FRMD4B: variants seen among roughly 807,000 people sequenced by gnomAD.
The protein encoded by FRMD4B is FERM domain containing 4B, also known as FERM domain-containing protein 4B.
In FRMD4B, 74 loss-of-function variants were observed where a neutral mutation model predicts 141.5. The ratio of observed to expected loss-of-function variants is 0.52; its 90% CI spans 0.43 to 0.63. The LOEUF (loss-of-function observed/expected upper bound fraction) is 0.63, where lower values mean the gene tolerates loss of function less well. Among genes scored for constraint, FRMD4B ranks in the 30% least tolerant of loss-of-function variants. The pLI is 0.00. For missense variants in FRMD4B, 1,366 were observed against 1,253.4 expected, an observed-to-expected ratio of 1.09 and a Z score of -1.36; for synonymous variants, 506 against 467.9, an observed-to-expected ratio of 1.08 and a Z score of -1.05.
intron 1 of FRMD4B, among the ~76,000 whole-genome samples, chr3:69,342,027 G>T (rs1362213745): frequency 6.6e-6 from 1 of 152,174 alleles, no homozygotes; most frequent in Non-Finnish European, 1.5e-5. Flanking sequence ...AGCTCACTTA[G>T]GGCTGTAGTT....
At chr3:69,428,099 G>A (rs1314920214) in intron 2 of FRMD4B, among the ~76,000 whole-genome samples, 4 of 152,010 alleles carry the variant, frequency 2.6e-5, no homozygotes, top group African/African-American at 4.8e-5. Flanking sequence ...CTATGCAGTA[G>A]AAATCTTAAA....
chr3:69,391,337 A>G (rs4328804), intron 2 of FRMD4B, among the ~76,000 whole-genome samples: 99,528 of 150,240 alleles, frequency 0.66, 33,199 homozygotes, highest in Non-Finnish European at 0.68. Context: ...CCATGTTGGT[A>G]TGTTGCACCC....
intron 1 of FRMD4B, among the ~76,000 whole-genome samples, chr3:69,377,362 G>A (rs1703998112): frequency 6.6e-6 from 1 of 152,164 alleles, no homozygotes; most frequent in South Asian, 2.1e-4. Flanking sequence ...AAGCAGTCAG[G>A]AGACCTCTCT....
At chr3:69,184,533 T>C (rs2092744689) in intron 19 of FRMD4B, among the ~76,000 whole-genome samples, 1 of 152,242 alleles carries the variant, frequency 6.6e-6, no homozygotes, top group African/African-American at 2.4e-5. Context: ...GTGTAAGCAA[T>C]GCTGTAATGA....
Position 69,410,726 on chromosome 3 carries a change from AATATATAT to A in FRMD4B, c.-1+21900_-1+21907del, listed in dbSNP as rs767608068. On this transcript the variant is annotated intron_variant, in intron 2 of 5. Coordinates refer to the FRMD4B transcript ENST00000459638. ...AAATATATAAATAAATAAATAAATAAATATATATATATATATATATATATATATATATA... is the reference window on the plus strand; with the variant it reads ...AAATATATAAATAAATAAATAAATAAATATATATATATATATATATATATA... Among the ~76,000 whole-genome samples, 506 of 86,026 alleles carry A rather than the reference AATATATAT, an allele frequency of 5.9e-3. 1 individual carries two copies. The highest frequency in any genetic ancestry group is 9.4e-3 in the Admixed American group (65 of 6,930). The allele number at this position is 86,026 out of a possible 152,430, so 56.4% of individuals were successfully genotyped here. A position where few individuals can be genotyped will look rare whatever the true frequency, so the allele number is the denominator to read the frequency against.
At chr3:69,459,659 T>G (rs1326675447) in intron 1 of FRMD4B, among the ~76,000 whole-genome samples, 2 of 152,188 alleles carry the variant, frequency 1.3e-5, no homozygotes, top group Non-Finnish European at 2.9e-5. Context: ...GGCAAAACAA[T>G]GAACCAATCC....
rs536087949 is a variant in FRMD4B at position 69,527,839 on chromosome 3, C to T, written c.-129+14367G>A. The stretch of plus-strand genomic sequence containing the variant: ...TCTTCTTTTTTAAAATATAAATCTC[C>T]TTAGGCAGGTCAAAACAATTCACCA... On this transcript the variant is annotated intron_variant, in intron 1 of 5. Coordinates refer to the FRMD4B transcript ENST00000459638. Among the ~76,000 whole-genome samples, 250 of 152,260 alleles carry T rather than the reference C, an allele frequency of 1.6e-3. 1 individual carries two copies. The highest frequency in any genetic ancestry group is 5.8e-3 in the African/African-American group (239 of 41,548).
At chr3:69,330,340 C>CTTTTTTTT (rs34238889) in intron 1 of FRMD4B, among the ~76,000 whole-genome samples, 10 of 42,928 alleles carry the variant, frequency 2.3e-4, no homozygotes, top group East Asian at 7.0e-4. Context: ...ATTCTTTTGC[C>CTTTTTTTT]TTTTTTTTTT....
chr3:69,497,713 T>A (rs1365478546), intron 1 of FRMD4B, among the ~76,000 whole-genome samples: 5 of 152,150 alleles, frequency 3.3e-5, no homozygotes, highest in African/African-American at 1.2e-4. Flanking sequence ...AGTGCCCTCA[T>A]GGAACTTTTT....
chr3:69,498,634 T>C (rs577769132), intron 1 of FRMD4B, among the ~76,000 whole-genome samples: 1 of 152,236 alleles, frequency 6.6e-6, no homozygotes, highest in African/African-American at 2.4e-5. Context: ...TATACCCATA[T>C]AACTTTCATA....
At chr3:69,380,208 A>G (rs1466654369) in intron 1 of FRMD4B, among the ~76,000 whole-genome samples, 1 of 152,164 alleles carries the variant, frequency 6.6e-6, no homozygotes, top group Non-Finnish European at 1.5e-5. Flanking sequence ...CTAAAAGAGC[A>G]TGTGCTCTAC....
At chr3:69,342,919 G>A (rs997162636) in intron 1 of FRMD4B, among the ~76,000 whole-genome samples, 1 of 152,034 alleles carries the variant, frequency 6.6e-6, no homozygotes, top group South Asian at 2.1e-4. Flanking sequence ...GGGGAAGGAG[G>A]GATAGGGAGA....
At chr3:69,427,678 C>CA (rs1212906881) in intron 2 of FRMD4B, among the ~76,000 whole-genome samples, 2 of 38,894 alleles carry the variant, frequency 5.1e-5, no homozygotes, top group African/African-American at 2.0e-4. Context: ...TTTTTTGAGA[C>CA]AGATTCTTAC....
upstream of FRMD4B, among the ~76,000 whole-genome samples, chr3:69,389,117 T>A (rs1704329863): frequency 6.9e-6 from 1 of 145,142 alleles, no homozygotes; most frequent in Admixed American, 7.1e-5. Flanking sequence ...CACTGCAACC[T>A]CCGCCTCCCG....
intron 1 of FRMD4B, among the ~76,000 whole-genome samples, chr3:69,501,946 A>C (rs376408055): frequency 6.6e-6 from 1 of 152,246 alleles, no homozygotes; most frequent in African/African-American, 2.4e-5. Flanking sequence ...TTCAAAGAGA[A>C]TAAAATACCT....
At chr3:69,225,358 T>C (rs2093240237) in intron 7 of FRMD4B, among the ~76,000 whole-genome samples, 1 of 151,804 alleles carries the variant, frequency 6.6e-6, no homozygotes, top group South Asian at 2.1e-4. Flanking sequence ...CAAGAGAAAG[T>C]TGTGGTCTTT....
At position 69,347,727 on chromosome 3, in the gene FRMD4B, A is replaced by T. The variant is rs568818140; in HGVS notation, c.163-34210T>A. 1.1e-4 allele frequency among the ~76,000 whole-genome samples: 17 copies of T among 152,290 alleles called. No homozygotes were observed. The South Asian group carries it at 3.3e-3, about 30-fold the overall frequency. On this transcript the variant is annotated intron_variant, in intron 1 of 22. Coordinates refer to ENST00000398540, the MANE Select transcript of FRMD4B (RefSeq NM_015123.3). ...GGAAACTGAACAACCTGCTCCTGAA[A>T]GACTACTGGGTACATAATGAAATGA...
rs1439872584 is a variant in FRMD4B at position 69,436,297 on chromosome 3, C to T, written c.-128-3536G>A. 3.3e-5 allele frequency among the ~76,000 whole-genome samples: 5 copies of T among 152,072 alleles called. No individual in the cohort carries two copies. In the South Asian group the frequency reaches 8.3e-4, roughly 25 times the overall value. On this transcript the variant is annotated intron_variant, in intron 1 of 5. Transcript: ENST00000459638. The stretch of plus-strand genomic sequence containing the variant: ...TGGGAAATGCTGAAATACTAAAAAA[C>T]GTAGGTGTTACGGATCAATCAATCA...
chr3:69,445,325 C>G (rs1045688538), intron 1 of FRMD4B, among the ~76,000 whole-genome samples: 1 of 152,190 alleles, frequency 6.6e-6, no homozygotes. Flanking sequence ...TACTGCTATT[C>G]CAGTCTTCGG....
Sources: allele counts gnomAD v4.1 joint callset (sites outside exome capture counted in the v4.1 genomes callset), GRCh38; gene constraint gnomAD v4.1.1; transcripts MANE v1.5; gene names NCBI Gene and HGNC (gene_info 2026-07-23, HGNC 2026-07-21).